STPG2: variants seen among roughly 807,000 people sequenced by gnomAD.
STPG2 encodes the protein sperm tail PG-rich repeat containing 2.
Under a neutral mutation model 54.2 loss-of-function variants are expected in STPG2, and 56 were observed. The observed-to-expected ratio is 1.03, with a 90% CI of 0.83 to 1.29. The LOEUF (loss-of-function observed/expected upper bound fraction) is 1.29. Ranked by LOEUF, STPG2 falls within the 50% of genes most tolerant of loss-of-function variation. The pLI is 0.00. For synonymous variants in STPG2, 200 were observed against 181.8 expected, an observed-to-expected ratio of 1.10 and a Z score of -0.81; for missense variants, 596 against 544.9, an observed-to-expected ratio of 1.09 and a Z score of -0.93.
chr4:98,101,573 G>GA (rs1739037834), intron 5 of STPG2, among the ~76,000 whole-genome samples: 2 of 152,090 alleles, frequency 1.3e-5, no homozygotes, highest in Admixed American at 1.3e-4. Context: ...CCAGTCATCA[G>GA]AATCACCCAA....
At chr4:98,073,321 A>C (rs1243662183) in intron 5 of STPG2, among the ~76,000 whole-genome samples, 2 of 152,204 alleles carry the variant, frequency 1.3e-5, no homozygotes, top group Non-Finnish European at 2.9e-5. Flanking sequence ...CATGACAGGC[A>C]CTATGCTAGA....
At chr4:97,737,654 T>G (rs1316170846) in intron 9 of STPG2, among the ~76,000 whole-genome samples, 1 of 151,800 alleles carries the variant, frequency 6.6e-6, no homozygotes, top group Non-Finnish European at 1.5e-5. Flanking sequence ...GAAGGGAAGC[T>G]TAGAGAAAAA....
chr4:98,018,036 T>A (rs1283538013), intron 5 of STPG2, among the ~76,000 whole-genome samples: 2 of 152,164 alleles, frequency 1.3e-5, no homozygotes, highest in Non-Finnish European at 2.9e-5. Context: ...ATTATTATTA[T>A]ACTTTAAGTT....
chr4:97,969,700 G>T (rs927489173), intron 7 of STPG2, among the ~76,000 whole-genome samples: 1 of 152,134 alleles, frequency 6.6e-6, no homozygotes, highest in Non-Finnish European at 1.5e-5. Flanking sequence ...CCCACAGCCA[G>T]TATCATACTG....
chr4:97,808,874 A>G (rs771672214), intron 9 of STPG2, among the ~76,000 whole-genome samples: 2 of 152,044 alleles, frequency 1.3e-5, no homozygotes, highest in Non-Finnish European at 2.9e-5. Flanking sequence ...AAAAAGCTAA[A>G]ACTAAAAAGT....
At chr4:98,040,116 T>C (rs1408568403) in intron 5 of STPG2, among the ~76,000 whole-genome samples, 2 of 152,018 alleles carry the variant, frequency 1.3e-5, no homozygotes, top group African/African-American at 2.4e-5. Flanking sequence ...GCCACTTGTA[T>C]ATCTTCTTTT....
chr4:97,957,040 G>A (rs1325180754), intron 7 of STPG2, among the ~76,000 whole-genome samples: 1 of 147,920 alleles, frequency 6.8e-6, no homozygotes, highest in Non-Finnish European at 1.5e-5. Context: ...AAAGGCGTCA[G>A]AGAAAGTCAG....
chr4:97,931,545 G>A (rs796274018), intron 8 of STPG2, among the ~76,000 whole-genome samples: 39 of 152,226 alleles, frequency 2.6e-4, no homozygotes, highest in African/African-American at 8.9e-4. Flanking sequence ...CTTCATCATG[G>A]TGGATTACCT....
At chr4:97,702,582 T>A (rs1723810579) in intron 10 of STPG2, among the ~76,000 whole-genome samples, 1 of 152,142 alleles carries the variant, frequency 6.6e-6, no homozygotes, top group Non-Finnish European at 1.5e-5. Context: ...GCCATCACTG[T>A]TGCCTCAGGT....
At chr4:97,485,211 A>C (rs1223618978) in intron 4 of STPG2, among the ~76,000 whole-genome samples, 2 of 151,914 alleles carry the variant, frequency 1.3e-5, no homozygotes, top group African/African-American at 4.8e-5. Context: ...TAGCCAGAGC[A>C]ATCAGACAAG....
rs149637008 is a variant in STPG2, at chr4:98,031,234, T to G, written c.613-49916A>C. 3.3e-3 allele frequency among the ~76,000 whole-genome samples: 510 copies of G among 152,294 alleles called. 2 individuals carry two copies. Among genetic ancestry groups the G allele is most frequent in the Admixed American group, 0.01 (155 of 15,288 alleles). On this transcript the variant is annotated intron_variant, in intron 5 of 10. Transcript: ENST00000295268. ...AATGAAATTGGATCCAATCTCTAAC[T>G]TTATATAAAAATCAACTCAAGATTG...
In STPG2 at chr4:97,475,926, T is replaced by C. The variant is rs188321004; in HGVS notation, c.462+236773A>G. On this transcript the variant is annotated intron_variant, in intron 4 of 4. Transcript: ENST00000522676. ...GTGTGATTTTGGTTTCTTTTTTCTTTACGCCACTTACTACTACCTAAAAAA... is the reference window on the plus strand; with the variant it reads ...GTGTGATTTTGGTTTCTTTTTTCTTCACGCCACTTACTACTACCTAAAAAA... 4.2e-3 allele frequency among the ~76,000 whole-genome samples: 640 copies of C among 152,300 alleles called. 3 individuals carry two copies. The highest frequency in any genetic ancestry group is 0.02 in the South Asian group (98 of 4,826).
At chr4:97,865,106 C>T (rs1729717667) in intron 8 of STPG2, among the ~76,000 whole-genome samples, 1 of 152,120 alleles carries the variant, frequency 6.6e-6, no homozygotes, top group South Asian at 2.1e-4. Context: ...TCTCATTAAA[C>T]TAAAGAGCTT....
chr4:97,528,257 A>C lies in STPG2; in HGVS notation c.462+184442T>G, dbSNP rs185315603. Reference sequence around the variant, plus strand: ...CCCAACACCATTTATTAAATAGGGAATCTTTTCCCCATTGCTTGTTTTTGT... The same window carrying C: ...CCCAACACCATTTATTAAATAGGGACTCTTTTCCCCATTGCTTGTTTTTGT... On this transcript the variant is annotated intron_variant, in intron 4 of 4. Coordinates refer to the STPG2 transcript ENST00000522676. Among the ~76,000 whole-genome samples the C allele has an allele frequency of 1.3e-3, 199 of 152,264 alleles. 6 individuals carry two copies. In the East Asian group the frequency reaches 0.038, roughly 29 times the overall value.
At chr4:97,660,742 G>A (rs1265071235) in intron 10 of STPG2, among the ~76,000 whole-genome samples, 2 of 152,100 alleles carry the variant, frequency 1.3e-5, no homozygotes, top group East Asian at 3.8e-4. Flanking sequence ...AAAAACTTTA[G>A]AAATGCGTTA....
chr4:97,501,331 T>C (rs1423711322), intron 4 of STPG2, among the ~76,000 whole-genome samples: 1 of 151,354 alleles, frequency 6.6e-6, no homozygotes, highest in Non-Finnish European at 1.5e-5. Context: ...AGAAATAGCA[T>C]ACATGAACTA....
intron 7 of STPG2, among the ~76,000 whole-genome samples, chr4:97,947,322 C>A (rs1346388542): frequency 1.3e-5 from 2 of 152,146 alleles, no homozygotes; most frequent in East Asian, 1.9e-4. Context: ...CTAGGGTTTT[C>A]TATGATATAT....
At chr4:98,009,353 A>C (rs1735666935) in intron 5 of STPG2, among the ~76,000 whole-genome samples, 4 of 131,132 alleles carry the variant, frequency 3.1e-5, no homozygotes, top group Admixed American at 7.3e-5. Context: ...AGTTGTTCAG[A>C]AGTGTGTCAT....
chr4:97,903,256 A>G (rs891004691), intron 8 of STPG2, among the ~76,000 whole-genome samples: 1 of 152,186 alleles, frequency 6.6e-6, no homozygotes, highest in Non-Finnish European at 1.5e-5. Context: ...GAGATAATGG[A>G]TATGATAATA....
Sources: gnomAD v4.1 joint callset for allele counts (sites outside exome capture counted in the v4.1 genomes callset) on GRCh38, gnomAD v4.1.1 for gene constraint, MANE v1.5 for transcripts, NCBI Gene and HGNC (gene_info 2026-07-23, HGNC 2026-07-21) for gene names.